The following NALF1 variants were observed in gnomAD, a reference collection of about 807,000 sequenced individuals.
NALF1 encodes family with sequence similarity 155 member A.
NALF1 carries 3 observed loss-of-function variants against 48.4 expected under a neutral mutation model. That is an observed-to-expected ratio of 0.06 (90% CI 0.03 to 0.16). The LOEUF (loss-of-function observed/expected upper bound fraction) is 0.16, where lower values mean the gene tolerates loss of function less well. Ranked by LOEUF, NALF1 falls within the 10% of genes least tolerant of loss-of-function variation. NALF1 has a pLI of 1.00. For missense variants in NALF1, 526 were observed against 571.5 expected (o/e 0.92, Z 0.81); for synonymous variants, 262 against 245.7 (o/e 1.07, Z -0.62).
intron 1 of NALF1, among the ~76,000 whole-genome samples, chr13:107,499,523 G>A (rs192146796): frequency 6.6e-5 from 10 of 152,118 alleles, no homozygotes; most frequent in Admixed American, 5.2e-4. Flanking sequence ...GAAGTCTTTT[G>A]AAGACACTTT....
rs1883083404 is a variant in NALF1 at position 107,362,586 on chromosome 13, C to T, written c.916-151831G>A. ...AGACACCAGTCACACTGGATTAGCG[C>T]CCACCCTAATGACCTCATCTTAATC... On this transcript the variant is annotated intron_variant, in intron 1 of 2. Transcript: ENST00000375915. The surrounding 1 kb of genome is among the most constrained non-coding windows in gnomAD (Gnocchi z 4.6). Among the ~76,000 whole-genome samples the T allele has an allele frequency of 6.6e-6, 1 of 152,090 alleles. No individual in the cohort carries two copies. Among genetic ancestry groups the T allele is most frequent in the Non-Finnish European group, 1.5e-5 (1 of 68,032 alleles).
intron 1 of NALF1, among the ~76,000 whole-genome samples, chr13:107,444,597 C>G (rs1392788334): frequency 6.6e-6 from 1 of 151,996 alleles, no homozygotes; most frequent in African/African-American, 2.4e-5. Flanking sequence ...TCAAACAATC[C>G]CTTACTTGTT....
At chr13:107,729,671 GT>G (rs994215999) in intron 1 of NALF1, among the ~76,000 whole-genome samples, 3 of 152,012 alleles carry the variant, frequency 2.0e-5, no homozygotes, top group African/African-American at 7.3e-5. Context: ...TAGAAACGGG[GT>G]TTCACCATGT....
chr13:107,201,173 A>G (rs1250164112), intron 2 of NALF1, among the ~76,000 whole-genome samples: 1 of 60,542 alleles, frequency 1.7e-5, no homozygotes, highest in East Asian at 1.4e-3. Flanking sequence ...TCTATCATCT[A>G]TCTATCTATC....
intron 1 of NALF1, among the ~76,000 whole-genome samples, chr13:107,852,127 A>C (rs534524345): frequency 2.0e-5 from 3 of 151,962 alleles, no homozygotes; most frequent in Non-Finnish European, 4.4e-5. Context: ...TGTTCTAATT[A>C]ATGTGCACCT....
chr13:107,721,520 C>A (rs1056743253), intron 1 of NALF1, among the ~76,000 whole-genome samples: 2 of 152,172 alleles, frequency 1.3e-5, no homozygotes, highest in African/African-American at 4.8e-5. Flanking sequence ...GAGACTACAG[C>A]TCTCTCCACG....
At chr13:107,416,555 C>T (rs919934874) in intron 1 of NALF1, among the ~76,000 whole-genome samples, 1 of 152,096 alleles carries the variant, frequency 6.6e-6, no homozygotes, top group Non-Finnish European at 1.5e-5. Flanking sequence ...TTTCTGGAAA[C>T]CATTTTCTTT....
chr13:107,513,353 C>T (rs896139973), intron 1 of NALF1, among the ~76,000 whole-genome samples: 3 of 152,220 alleles, frequency 2.0e-5, no homozygotes, highest in South Asian at 2.1e-4. Flanking sequence ...GTTGCCTTAG[C>T]GATCTATTTT....
intron 1 of NALF1, among the ~76,000 whole-genome samples, chr13:107,580,921 T>C (rs1878289357): frequency 6.6e-6 from 1 of 151,932 alleles, no homozygotes; most frequent in Non-Finnish European, 1.5e-5. Flanking sequence ...ACCTTAACAA[T>C]GGGAGAAACA....
chr13:107,829,145 G>C (rs1358035808), intron 1 of NALF1, among the ~76,000 whole-genome samples: 1 of 152,178 alleles, frequency 6.6e-6, no homozygotes, highest in Non-Finnish European at 1.5e-5. Flanking sequence ...ATACCAGAGA[G>C]ATCACCCATT....
rs1364615876 is a variant in NALF1, at chr13:107,798,403, A to G, written c.915+67279T>C. ...AAATTAATAACAAAAATTCTCTAAT[A>G]TATTAACAGAATTTTCTGAAACTAG... On this transcript the variant is annotated intron_variant, in intron 1 of 2. Coordinates refer to ENST00000375915, the MANE Select transcript of NALF1 (RefSeq NM_001080396.3). 2.0e-5 allele frequency among the ~76,000 whole-genome samples: 3 copies of G among 152,226 alleles called. No individual in the cohort carries two copies. In the East Asian group the frequency reaches 5.8e-4, roughly 29 times the overall value.
At chr13:107,578,587 T>C (rs1258729648) in intron 1 of NALF1, among the ~76,000 whole-genome samples, 1 of 152,174 alleles carries the variant, frequency 6.6e-6, no homozygotes, top group African/African-American at 2.4e-5. Flanking sequence ...TCATTATATA[T>C]TGCCTTGATG....
At chr13:107,435,791 G>A (rs1481382195) in intron 1 of NALF1, among the ~76,000 whole-genome samples, 3 of 151,876 alleles carry the variant, frequency 2.0e-5, no homozygotes, top group South Asian at 2.1e-4. Flanking sequence ...GAAGGAAAGC[G>A]GCGGGGGAGG....
At chr13:107,334,725 A>C (rs1418948245) in intron 1 of NALF1, among the ~76,000 whole-genome samples, 2 of 152,234 alleles carry the variant, frequency 1.3e-5, no homozygotes, top group African/African-American at 4.8e-5. Context: ...ATTTTTTAAA[A>C]AACGTTTTAA....
chr13:107,232,556 G>A (rs1374205691), intron 1 of NALF1, among the ~76,000 whole-genome samples: 3 of 152,052 alleles, frequency 2.0e-5, no homozygotes, highest in Admixed American at 2.0e-4. Context: ...TGTCACAAAG[G>A]AGCTCTTCTT....
chr13:107,722,904 G>A (rs975485377), intron 1 of NALF1, among the ~76,000 whole-genome samples: 2 of 152,182 alleles, frequency 1.3e-5, no homozygotes, highest in South Asian at 2.1e-4. Context: ...TGTACATGGC[G>A]GCTCTGAGCA....
intron 1 of NALF1, among the ~76,000 whole-genome samples, chr13:107,240,458 G>T (rs1332532578): frequency 6.6e-6 from 1 of 152,074 alleles, no homozygotes; most frequent in Admixed American, 6.5e-5. Context: ...AATAACAATG[G>T]GACTTTTGTT....
chr13:107,230,789 G>C (rs957694615), intron 1 of NALF1, among the ~76,000 whole-genome samples: 1 of 152,128 alleles, frequency 6.6e-6, no homozygotes, highest in African/African-American at 2.4e-5. Flanking sequence ...GCCAGGTTTA[G>C]TGGCTCATGG....
intron 1 of NALF1, among the ~76,000 whole-genome samples, chr13:107,288,656 G>A (rs892996334): frequency 2.7e-5 from 4 of 150,446 alleles, no homozygotes; most frequent in Non-Finnish European, 5.9e-5. Flanking sequence ...CTCAGCCTCC[G>A]GAGTAGCTGG....
Sources: gnomAD v4.1 joint callset for allele counts (sites outside exome capture counted in the v4.1 genomes callset) on GRCh38, gnomAD v4.1.1 for gene constraint, Gnocchi (gnomAD v3.1) non-coding constraint, MANE v1.5 for transcripts, NCBI Gene and HGNC (gene_info 2026-07-23, HGNC 2026-07-21) for gene names.